The following GLRA1 variants were observed in gnomAD, a reference collection of about 807,000 sequenced individuals.
GLRA1 encodes glycine receptor subunit alpha-1.
GLRA1 carries 37 observed loss-of-function variants against 48.3 expected under a neutral mutation model. The observed-to-expected ratio is 0.77, with a 90% CI of 0.59 to 1.01. The LOEUF is 1.01. Among genes scored for constraint, GLRA1 ranks in the 50% least tolerant of loss-of-function variants. The probability of loss-of-function intolerance (pLI) is 0.00; values close to 1 mark genes in which losing one functional copy is unlikely to be tolerated. For synonymous variants in GLRA1, 196 were observed against 210.7 expected, an observed-to-expected ratio of 0.93 and a Z score of 0.60; for missense variants, 427 against 571.0, an observed-to-expected ratio of 0.75 and a Z score of 2.57.
chr5:151,823,977 T>C (rs1019069510), intron 8 of GLRA1, among the ~76,000 whole-genome samples: 4 of 151,688 alleles, frequency 2.6e-5, no homozygotes, highest in Admixed American at 6.6e-5. Context: ...CAGCTGTTGA[T>C]TCAATGTTGG....
chr5:151,893,708 C>T (rs1278807516), intron 1 of GLRA1, among the ~76,000 whole-genome samples: 1 of 152,120 alleles, frequency 6.6e-6, no homozygotes, highest in Non-Finnish European at 1.5e-5. Context: ...TTTATGGCTG[C>T]ATAGTATTCC....
intron 3 of GLRA1, among the ~76,000 whole-genome samples, chr5:151,883,248 T>C (rs1753803730): frequency 6.6e-6 from 1 of 152,184 alleles, no homozygotes; most frequent in African/African-American, 2.4e-5. Flanking sequence ...GGGTCCTTTG[T>C]TATCTCCATT....
chr5:151,860,058 CA>C lies in GLRA1; in HGVS notation c.253-51del, dbSNP rs553096050. 4.2e-5 allele frequency: 60 copies of C among 1,438,828 alleles called. No individual in the cohort carries two copies. In the South Asian group the frequency reaches 6.1e-4, roughly 15 times the overall value. 89.1% of individuals were successfully genotyped at this position (1,438,828 alleles called of 1,614,324 possible). ...AAGGCAATGTTAGGCCCAAGGACATCAACTTTTGGAGGACCTGGGTGCTTTT... is the reference window on the plus strand; with the variant it reads ...AAGGCAATGTTAGGCCCAAGGACATCACTTTTGGAGGACCTGGGTGCTTTT... On this transcript the variant is annotated intron_variant, in intron 3 of 8. Transcript: ENST00000274576.
chr5:151,912,642 T>C (rs1754645317), intron 1 of GLRA1, among the ~76,000 whole-genome samples: 1 of 152,164 alleles, frequency 6.6e-6, no homozygotes, highest in Non-Finnish European at 1.5e-5. Flanking sequence ...TTGTTTGGAA[T>C]CTTTCAGGTC....
intron 8 of GLRA1, among the ~76,000 whole-genome samples, chr5:151,824,870 C>T (rs1763232214): frequency 6.6e-6 from 1 of 151,574 alleles, no homozygotes; most frequent in African/African-American, 2.4e-5. Context: ...AACATAGTCC[C>T]TGGTTCATAA....
intron 6 of GLRA1, 74 bp downstream of exon 6, chr5:151,854,966 G>A: frequency 6.9e-7 from 1 of 1,447,454 alleles, no homozygotes; most frequent in Non-Finnish European, 9.7e-7. Context: ...TTGGATCAAT[G>A]ATTGAATGTG....
intron 1 of GLRA1, among the ~76,000 whole-genome samples, chr5:151,916,535 A>T (rs1754746778): frequency 6.6e-6 from 1 of 152,228 alleles, no homozygotes; most frequent in South Asian, 2.1e-4. Flanking sequence ...GAGAAAAAGG[A>T]AGATCATGGT....
rs373393975 is a variant in GLRA1 at position 151,924,489 on chromosome 5, C to T, written c.56+5G>A. The T allele has an allele frequency of 1.9e-6, 3 of 1,554,104 alleles. No homozygotes were observed. Among genetic ancestry groups the T allele is most frequent in the African/African-American group, 2.7e-5 (2 of 73,768 alleles). On this transcript the variant is annotated splice_donor_5th_base_variant and intron_variant, in intron 1 of 8. Coordinates refer to ENST00000274576, the MANE Select transcript of GLRA1 (RefSeq NM_000171.4). ...GAGCGATGTGGTCAGTAGAAAATTG[C>T]ATACCTGAAGAATACAATGGTCTCC...
chr5:151,912,189 A>G (rs953647406), intron 1 of GLRA1, among the ~76,000 whole-genome samples: 3 of 150,502 alleles, frequency 2.0e-5, no homozygotes, highest in African/African-American at 7.4e-5. Context: ...AGTCCAAGCC[A>G]TATTCAATAC....
intron 3 of GLRA1, chr5:151,875,733 C>T (rs1753610400): frequency 6.6e-6 from 1 of 152,252 alleles, no homozygotes; most frequent in African/African-American, 2.4e-5. Flanking sequence ...TTGACCAAAC[C>T]GTTCTGCAGA....
chr5:151,830,120 T>A (rs1342939326), intron 7 of GLRA1, among the ~76,000 whole-genome samples: 1 of 152,214 alleles, frequency 6.6e-6, no homozygotes, highest in Non-Finnish European at 1.5e-5. Context: ...TCTATCCAGC[T>A]CCATAGTAGC....
chr5:151,895,485 G>T (rs967578953), intron 1 of GLRA1, among the ~76,000 whole-genome samples: 1 of 152,150 alleles, frequency 6.6e-6, no homozygotes, highest in Non-Finnish European at 1.5e-5. Flanking sequence ...TACTTAACTT[G>T]TCTGAGCTTT....
intron 3 of GLRA1, among the ~76,000 whole-genome samples, chr5:151,876,946 T>A (rs1026349284): frequency 2.0e-5 from 3 of 152,158 alleles, no homozygotes; most frequent in African/African-American, 7.2e-5. Flanking sequence ...TCTCTCTCTC[T>A]CTCTGTCTCT....
At chr5:151,923,819 C>T (rs1239803047) in intron 1 of GLRA1, among the ~76,000 whole-genome samples, 1 of 152,024 alleles carries the variant, frequency 6.6e-6, no homozygotes, top group Non-Finnish European at 1.5e-5. Flanking sequence ...GGGAAAGAGG[C>T]AGTCAAAGTT....
intron 1 of GLRA1, among the ~76,000 whole-genome samples, chr5:151,893,996 G>A (rs985514171): frequency 6.6e-5 from 10 of 152,172 alleles, no homozygotes; most frequent in African/African-American, 2.2e-4. Context: ...AAAGGTTGAA[G>A]AACACTAATT....
intron 1 of GLRA1, among the ~76,000 whole-genome samples, chr5:151,893,514 C>A (rs1754153335): frequency 6.6e-6 from 1 of 151,962 alleles, no homozygotes. Context: ...CGCCTTGCCC[C>A]CCACTACCCG....
chr5:151,849,260 TTC>T lies in GLRA1; in HGVS notation c.912+2128_912+2129del, dbSNP rs1276065174. On this transcript the variant is annotated intron_variant, in intron 7 of 8. Coordinates refer to ENST00000274576, the MANE Select transcript of GLRA1 (RefSeq NM_000171.4). ...TTCCTTCCTTCCTTCCCTTCTTTCT[TTC>T]TCTCTCTCTCTCTTCCTTTCTTTCT... 5.9e-4 allele frequency among the ~76,000 whole-genome samples: 47 copies of T among 79,704 alleles called. 1 individual carries two copies. The highest frequency in any genetic ancestry group is 1.4e-3 in the Admixed American group (11 of 7,754). The allele number at this position is 79,704 out of a possible 152,430, so 52.3% of individuals were successfully genotyped here. A position where few individuals can be genotyped will look rare whatever the true frequency, so the allele number is the denominator to read the frequency against.
chr5:151,848,864 G>C, intron 7 of GLRA1: 1 of 607,638 alleles, frequency 1.6e-6, no homozygotes. Flanking sequence ...CGCCTGCTCA[G>C]CGCCCAGAAC....
At chr5:151,885,492 G>A (rs1247293681) in intron 3 of GLRA1, among the ~76,000 whole-genome samples, 2 of 152,210 alleles carry the variant, frequency 1.3e-5, no homozygotes, top group East Asian at 1.9e-4. Flanking sequence ...TCACACACAC[G>A]TACGCGCATG....
Sources: gnomAD v4.1 joint callset for allele counts (sites outside exome capture counted in the v4.1 genomes callset) on GRCh38, gnomAD v4.1.1 for gene constraint, MANE v1.5 for transcripts, NCBI Gene and HGNC (gene_info 2026-07-23, HGNC 2026-07-21) for gene names.